The following KLRG2 variants were observed in gnomAD, a reference collection of about 807,000 sequenced individuals.
KLRG2 encodes killer cell lectin-like receptor subfamily G member 2.
KLRG2 carries 39 observed loss-of-function variants against 35.4 expected under a neutral mutation model. The observed-to-expected ratio is 1.10, with a 90% CI of 0.85 to 1.44. KLRG2 has a LOEUF of 1.44. Among genes scored for constraint, KLRG2 ranks in the 40% most tolerant of loss-of-function variants. The pLI is 0.00. For missense variants in KLRG2, 632 were observed against 570.9 expected (o/e 1.11, Z -1.09); for synonymous variants, 283 against 265.8 (o/e 1.06, Z -0.63).
chr7:139,482,853 C>A (rs761921859), intron 1 of KLRG2, 33 bp downstream of exon 1: 4 of 1,368,264 alleles, frequency 2.9e-6, no homozygotes, highest in South Asian at 1.7e-5. Flanking sequence ...CCCGACCTGG[C>A]GGCGTCGGCT....
the KLRG2 span, among the ~76,000 whole-genome samples, chr7:139,431,115 TAAATC>T: frequency 7.7e-4 from 51 of 66,102 alleles, no homozygotes; most frequent in Non-Finnish European, 1.1e-3. Context: ...GCTGAGCTAA[TAAATC>T]AAAAGCTGAG....
chr7:139,458,250 C>G (rs768306209), intron 3 of KLRG2, among the ~76,000 whole-genome samples: 6 of 151,916 alleles, frequency 3.9e-5, no homozygotes, highest in Non-Finnish European at 5.9e-5. Flanking sequence ...TGGTGGCACG[C>G]TCCTGTACTC....
At chr7:139,481,518 T>C (rs1305457915) in intron 1 of KLRG2, among the ~76,000 whole-genome samples, 1 of 152,182 alleles carries the variant, frequency 6.6e-6, no homozygotes, top group East Asian at 1.9e-4. Context: ...TCAGCCAAGC[T>C]TTTGCCAGTT....
chr7:139,437,652 T>C, the KLRG2 span, among the ~76,000 whole-genome samples: 2 of 152,080 alleles, frequency 1.3e-5, no homozygotes, highest in African/African-American at 4.8e-5. Context: ...CAGATGGGGT[T>C]TTGCCACATT....
downstream of KLRG2, among the ~76,000 whole-genome samples, chr7:139,450,316 T>C (rs574471915): frequency 2.3e-4 from 35 of 151,444 alleles, no homozygotes; most frequent in Middle Eastern, 3.4e-3. Flanking sequence ...CTCTGCCTCC[T>C]GGGTTCACGC....
chr7:139,439,450 C>CGTGCA, the KLRG2 span, among the ~76,000 whole-genome samples: 1 of 152,086 alleles, frequency 6.6e-6, no homozygotes, highest in Non-Finnish European at 1.5e-5. Flanking sequence ...GAGACCAGGG[C>CGTGCA]GTGCAGTTAG....
the KLRG2 span, among the ~76,000 whole-genome samples, chr7:139,440,639 A>G: frequency 6.6e-6 from 1 of 152,028 alleles, no homozygotes; most frequent in Non-Finnish European, 1.5e-5. Flanking sequence ...AAATAGAGAT[A>G]TGATCTCACT....
chr7:139,479,571 G>C, intron 3 of KLRG2, 56 bp downstream of exon 3: 1 of 1,532,720 alleles, frequency 6.5e-7, no homozygotes, highest in Non-Finnish European at 8.9e-7. Flanking sequence ...TCCAGTGCTA[G>C]GATTCTGTGG....
At chr7:139,433,943 C>G in the KLRG2 span, among the ~76,000 whole-genome samples, 34 of 152,092 alleles carry the variant, frequency 2.2e-4, no homozygotes, top group African/African-American at 8.2e-4. Flanking sequence ...CAGCATCACG[C>G]CCAGCATCAC....
the KLRG2 span, among the ~76,000 whole-genome samples, chr7:139,445,271 G>C: frequency 2.0e-5 from 3 of 152,012 alleles, no homozygotes; most frequent in Non-Finnish European, 2.9e-5. Context: ...CAGTAGAGAC[G>C]GGGTTTCCCC....
intron 3 of KLRG2, among the ~76,000 whole-genome samples, chr7:139,465,750 G>T (rs1745016812): frequency 6.6e-6 from 1 of 151,606 alleles, no homozygotes; most frequent in Non-Finnish European, 1.5e-5. Flanking sequence ...ACTGCAAGCA[G>T]CCATCAAAAG....
chr7:139,427,268 G>C, the KLRG2 span, among the ~76,000 whole-genome samples: 24 of 152,300 alleles, frequency 1.6e-4, no homozygotes, highest in African/African-American at 4.6e-4. Flanking sequence ...AGGGTCAGCA[G>C]GCAGCACACT....
chr7:139,438,556 C>T, the KLRG2 span, among the ~76,000 whole-genome samples: 25 of 152,000 alleles, frequency 1.6e-4, no homozygotes, highest in Non-Finnish European at 3.4e-4. Flanking sequence ...ATACACCGAT[C>T]GGTAGGGCTG....
chr7:139,440,121 T>A, the KLRG2 span, among the ~76,000 whole-genome samples: 1 of 152,104 alleles, frequency 6.6e-6, no homozygotes, highest in Admixed American at 6.6e-5. Context: ...AATTTCTACT[T>A]ATTTTAAAGA....
chr7:139,429,685 TG>T, the KLRG2 span, among the ~76,000 whole-genome samples: 1 of 152,088 alleles, frequency 6.6e-6, no homozygotes, highest in Non-Finnish European at 1.5e-5. Flanking sequence ...AGCACAGGGT[TG>T]GGGGTAAGGT....
intron 3 of KLRG2, among the ~76,000 whole-genome samples, chr7:139,465,593 G>A (rs1019605548): frequency 8.5e-5 from 13 of 152,054 alleles, no homozygotes; most frequent in Non-Finnish European, 1.8e-4. Context: ...TCCAGAGGCT[G>A]AGGCAGGAGA....
At chr7:139,430,328 G>C in the KLRG2 span, among the ~76,000 whole-genome samples, 1 of 152,104 alleles carries the variant, frequency 6.6e-6, no homozygotes, top group Non-Finnish European at 1.5e-5. Flanking sequence ...CTTGAATCTG[G>C]GAGGCAGAGG....
chr7:139,481,409 G>C lies in KLRG2; in HGVS notation c.758-1162C>G, dbSNP rs916414694. 3.3e-5 allele frequency among the ~76,000 whole-genome samples: 5 copies of C among 152,206 alleles called. No individual in the cohort carries two copies. In the East Asian group the frequency reaches 9.6e-4, roughly 29 times the overall value. ...CACATCAAACTCTGCAAAAGTTCCT[G>C]AGTGATCCAAGCCCCTGAACCCTAG... is the stretch of plus-strand genomic sequence containing the variant. On this transcript the variant is annotated intron_variant, in intron 1 of 4. Coordinates refer to ENST00000340940, the MANE Select transcript of KLRG2 (RefSeq NM_198508.4).
chr7:139,471,065 C>T (rs1796746967), intron 3 of KLRG2, among the ~76,000 whole-genome samples: 1 of 151,382 alleles, frequency 6.6e-6, no homozygotes, highest in Non-Finnish European at 1.5e-5. Flanking sequence ...CCATGATGGT[C>T]CTGAGCTCCT....
Sources: gnomAD v4.1 joint callset for allele counts (sites outside exome capture counted in the v4.1 genomes callset) on GRCh38, gnomAD v4.1.1 for gene constraint, MANE v1.5 for transcripts, NCBI Gene and HGNC (gene_info 2026-07-23, HGNC 2026-07-21) for gene names.